ABCD3: variants seen among roughly 807,000 people sequenced by gnomAD.
The protein encoded by ABCD3 is ATP-binding cassette sub-family D member 3.
In ABCD3, 41 loss-of-function variants were observed where a neutral mutation model predicts 105.5. The observed-to-expected ratio is 0.39, with a 90% confidence interval of 0.30 to 0.50. The LOEUF (loss-of-function observed/expected upper bound fraction) is 0.50. Among genes scored for constraint, ABCD3 ranks in the 20% least tolerant of loss-of-function variants. ABCD3 has a pLI of 0.84. For missense variants in ABCD3, 622 were observed against 806.3 expected (o/e 0.77, Z 2.77); for synonymous variants, 258 against 269.0 (o/e 0.96, Z 0.40).
chr1:94,421,880 A>G (rs1035475125), intron 1 of ABCD3, among the ~76,000 whole-genome samples: 1 of 152,170 alleles, frequency 6.6e-6, no homozygotes, highest in African/African-American at 2.4e-5. Context: ...TGCCCTTTCA[A>G]TCCATCTTCC....
intron 2 of ABCD3, among the ~76,000 whole-genome samples, chr1:94,460,285 A>G (rs1327444721): frequency 1.3e-5 from 2 of 152,178 alleles, no homozygotes; most frequent in Non-Finnish European, 2.9e-5. Context: ...GTTAAGTAGA[A>G]GAATTATCTA....
chr1:94,385,761 C>T, the ABCD3 span, among the ~76,000 whole-genome samples: 1 of 152,152 alleles, frequency 6.6e-6, no homozygotes, highest in Non-Finnish European at 1.5e-5. Context: ...GTCACCCTAA[C>T]CCAACTTTAA....
intron 2 of ABCD3, among the ~76,000 whole-genome samples, chr1:94,461,091 A>T (rs1647846359): frequency 1.3e-5 from 2 of 152,298 alleles, no homozygotes; most frequent in African/African-American, 2.4e-5. Context: ...ATGCACACTG[A>T]TAGCACATTT....
the ABCD3 span, among the ~76,000 whole-genome samples, chr1:94,400,012 C>G: frequency 2.6e-5 from 4 of 152,274 alleles, no homozygotes; most frequent in African/African-American, 9.6e-5. Flanking sequence ...TACACTCCAG[C>G]TTTGGCTACA....
chr1:94,501,161 T>A (rs540567349), intron 20 of ABCD3, among the ~76,000 whole-genome samples: 1 of 150,316 alleles, frequency 6.7e-6, no homozygotes, highest in South Asian at 2.1e-4. Flanking sequence ...AGTGGGGGGC[T>A]GAGGCGGGAG....
chr1:94,423,029 A>G (rs568411874), intron 1 of ABCD3, among the ~76,000 whole-genome samples: 5 of 152,300 alleles, frequency 3.3e-5, no homozygotes, highest in African/African-American at 9.6e-5. Flanking sequence ...TTGCCTGCCA[A>G]TGGGTACTCT....
chr1:94,470,424 G>A, intron 4 of ABCD3, among the ~76,000 whole-genome samples: 1 of 152,184 alleles, frequency 6.6e-6, no homozygotes, highest in East Asian at 1.9e-4. Context: ...CAGCTCCAGG[G>A]TGGGTATTGA....
intron 21 of ABCD3, among the ~76,000 whole-genome samples, chr1:94,512,272 T>G (rs1376562004): frequency 6.6e-6 from 1 of 151,980 alleles, no homozygotes; most frequent in Non-Finnish European, 1.5e-5. Flanking sequence ...TTTTCCTTCC[T>G]AAATGATATA....
At chr1:94,460,402 A>G (rs1647812228) in intron 2 of ABCD3, among the ~76,000 whole-genome samples, 1 of 152,152 alleles carries the variant, frequency 6.6e-6, no homozygotes, top group African/African-American at 2.4e-5. Flanking sequence ...GTTTCTGGTT[A>G]TTCAGCTGTG....
the ABCD3 span, among the ~76,000 whole-genome samples, chr1:94,394,633 G>GTGCTGACAAGGAATGTTCAGGGGACA: frequency 1.3e-5 from 2 of 152,182 alleles, no homozygotes; most frequent in Non-Finnish European, 2.9e-5. Flanking sequence ...GAAAATGCTT[G>GTGCTGACAAGGAATGTTCAGGGGACA]TGCTGACAAG....
chr1:94,386,035 C>A, the ABCD3 span, among the ~76,000 whole-genome samples: 1 of 176 alleles, frequency 5.7e-3, no homozygotes, highest in African/African-American at 0.016. Flanking sequence ...TTCTTTCTTT[C>A]TTTCTTTCTT....
At chr1:94,464,323 A>AT (rs879901127) in intron 2 of ABCD3, among the ~76,000 whole-genome samples, 1,818 of 147,346 alleles carry the variant, frequency 0.012, 24 homozygotes, top group African/African-American at 0.032. Flanking sequence ...TCTGTTCAGG[A>AT]TTTTTTTTTT....
At chr1:94,468,268 A>G (rs1448343423) in intron 4 of ABCD3, among the ~76,000 whole-genome samples, 1 of 152,230 alleles carries the variant, frequency 6.6e-6, no homozygotes, top group East Asian at 1.9e-4. Context: ...ATCAAGAGTT[A>G]GAGACAGGTA....
At chr1:94,478,153 A>G (rs1369020351) in intron 7 of ABCD3, 106 bp from the exon 8 acceptor site, 9 of 722,646 alleles carry the variant, frequency 1.2e-5, no homozygotes, top group Non-Finnish European at 2.2e-5. Flanking sequence ...ACATGTTGAT[A>G]ATTATATATT....
intron 16 of ABCD3, 116 bp from the exon 17 acceptor site, chr1:94,498,486 A>G (rs1335263561): frequency 3.3e-5 from 35 of 1,057,294 alleles, no homozygotes; most frequent in Non-Finnish European, 4.7e-5. Flanking sequence ...TTACAGACAA[A>G]TAGAAGGCTT....
intron 1 of ABCD3, among the ~76,000 whole-genome samples, chr1:94,434,696 T>C (rs1459509728): frequency 6.6e-6 from 1 of 152,252 alleles, no homozygotes; most frequent in African/African-American, 2.4e-5. Context: ...CACCTTTTAT[T>C]GTAGATTATA....
intron 1 of ABCD3, among the ~76,000 whole-genome samples, chr1:94,445,787 T>C (rs898514246): frequency 3.3e-5 from 5 of 152,166 alleles, no homozygotes; most frequent in Non-Finnish European, 5.9e-5. Context: ...AAAAGGTGAT[T>C]GCAGATTCAG....
At chr1:94,509,896 C>G (rs1650575265) in intron 21 of ABCD3, among the ~76,000 whole-genome samples, 3 of 151,926 alleles carry the variant, frequency 2.0e-5, no homozygotes, top group African/African-American at 7.3e-5. Context: ...CTTTATTAGT[C>G]TTGCTAGCAG....
intron 1 of ABCD3, among the ~76,000 whole-genome samples, chr1:94,441,064 C>G (rs766055326): frequency 2.7e-5 from 4 of 149,952 alleles, no homozygotes; most frequent in Admixed American, 2.0e-4. Flanking sequence ...GTAGGGAAAG[C>G]TTTTGTAAGT....
Sources: allele counts gnomAD v4.1 joint callset (sites outside exome capture counted in the v4.1 genomes callset), GRCh38; gene constraint gnomAD v4.1.1; transcripts MANE v1.5; gene names NCBI Gene and HGNC (gene_info 2026-07-23, HGNC 2026-07-21).